TMEM150C: variants seen among roughly 807,000 people sequenced by gnomAD.
TMEM150C encodes the protein transmembrane protein 150C, also known as tentonin 3.
TMEM150C carries 10 observed loss-of-function variants against 29.9 expected under a neutral mutation model. The observed-to-expected ratio is 0.33, with a 90% CI of 0.21 to 0.57. The LOEUF is 0.57. TMEM150C is among the 20% of genes least tolerant of loss of function. The pLI is 0.88. For synonymous variants in TMEM150C, 101 were observed against 112.5 expected (o/e 0.90, Z 0.64); for missense variants, 251 against 303.6 (o/e 0.83, Z 1.29).
intron 1 of TMEM150C, among the ~76,000 whole-genome samples, chr4:82,561,143 C>T (rs754699513): frequency 6.6e-6 from 1 of 152,114 alleles, no homozygotes; most frequent in Admixed American, 6.5e-5. Flanking sequence ...TGGGAAAACC[C>T]TCTCATACTC....
chr4:82,532,113 A>C (rs1333885692), intron 1 of TMEM150C, among the ~76,000 whole-genome samples: 1 of 152,260 alleles, frequency 6.6e-6, no homozygotes, highest in Non-Finnish European at 1.5e-5. Flanking sequence ...ACAGTAAAAC[A>C]GCACATTAGT....
rs1723789513 is a variant in TMEM150C, at chr4:82,503,115, A to G, written c.81-3T>C. The G allele has an allele frequency of 3.1e-6, 5 of 1,589,808 alleles. No individual in the cohort carries two copies. The highest frequency in any genetic ancestry group is 4.3e-6 in the Non-Finnish European group (5 of 1,163,526). The stretch of plus-strand genomic sequence containing the variant: ...CATCTTCCACAGCTATGAAGTATCT[A>G]TCAAAAAAGAATAAGTTTATAGAAC... On this transcript the variant is annotated splice_region_variant and splice_polypyrimidine_tract_variant and intron_variant, in intron 2 of 7. Coordinates refer to ENST00000449862, the MANE Select transcript of TMEM150C (RefSeq NM_001080506.3).
chr4:82,553,371 CA>C (rs1323100003), intron 1 of TMEM150C, among the ~76,000 whole-genome samples: 1 of 152,172 alleles, frequency 6.6e-6, no homozygotes, highest in Non-Finnish European at 1.5e-5. Flanking sequence ...CCTTAAGGTA[CA>C]ACATCAGAGT....
intron 1 of TMEM150C, among the ~76,000 whole-genome samples, chr4:82,544,023 G>A (rs17005775): frequency 0.043 from 6,575 of 152,212 alleles, 465 homozygotes; most frequent in African/African-American, 0.15. Flanking sequence ...TGGCCTTTCT[G>A]AGCTTGTCAG....
chr4:82,486,941 T>C (rs1258157944), intron 7 of TMEM150C, among the ~76,000 whole-genome samples: 1 of 152,166 alleles, frequency 6.6e-6, no homozygotes, highest in African/African-American at 2.4e-5. Context: ...TGCATTTACT[T>C]AGAAAGATCA....
chr4:82,561,548 G>A (rs7662326), intron 1 of TMEM150C, among the ~76,000 whole-genome samples: 30,232 of 150,380 alleles, frequency 0.2, 3,320 homozygotes, highest in East Asian at 0.31. Flanking sequence ...GTCAAAGGAC[G>A]GGGCCGGGGC....
chr4:82,491,595 G>A (rs550337122), intron 6 of TMEM150C: 321 of 630,410 alleles, frequency 5.1e-4, no homozygotes, highest in African/African-American at 2.6e-3. Flanking sequence ...AGCAGGGGCC[G>A]GAGCCACCTT....
At chr4:82,542,317 A>G (rs1725225757) in intron 1 of TMEM150C, among the ~76,000 whole-genome samples, 1 of 152,234 alleles carries the variant, frequency 6.6e-6, no homozygotes, top group Non-Finnish European at 1.5e-5. Context: ...AGAAGACAGG[A>G]CAGGGTTCAG....
chr4:82,486,368 A>C (rs1359409579), intron 7 of TMEM150C, among the ~76,000 whole-genome samples: 1 of 149,766 alleles, frequency 6.7e-6, no homozygotes, highest in Non-Finnish European at 1.5e-5. Flanking sequence ...AAAAAAGAAG[A>C]AAGCACTGCA....
At chr4:82,536,344 G>A (rs1342380160) in intron 1 of TMEM150C, among the ~76,000 whole-genome samples, 3 of 130,506 alleles carry the variant, frequency 2.3e-5, no homozygotes, top group African/African-American at 5.7e-5. Flanking sequence ...GCAACAGAGC[G>A]AGACTCCATC....
intron 1 of TMEM150C, among the ~76,000 whole-genome samples, chr4:82,524,694 G>C (rs1358794376): frequency 6.6e-6 from 1 of 152,196 alleles, no homozygotes; most frequent in South Asian, 2.1e-4. Flanking sequence ...TAACCTGAAG[G>C]CATCTAGAGG....
At position 82,483,492 on chromosome 4, in the gene TMEM150C, C is replaced by T. The variant is rs1723059502; in HGVS notation, c.*2019G>A. On this transcript the variant is annotated 3_prime_UTR_variant, in exon 8 of 8. Transcript: ENST00000449862. ...CTTGTTCTCAGCTTGTTCTTTTCCT[C>T]ACATTTTACTTACAGGGATTCTCAC... 1 of 152,198 alleles carries T rather than the reference C, an allele frequency of 6.6e-6. No homozygotes were observed. Among genetic ancestry groups the T allele is most frequent in the South Asian group, 2.1e-4 (1 of 4,828 alleles). 9.4% of individuals were successfully genotyped at this position (152,198 alleles called of 1,614,324 possible).
chr4:82,486,449 C>T lies in TMEM150C; in HGVS notation c.542-730G>A, dbSNP rs116224014. 8.1e-3 allele frequency among the ~76,000 whole-genome samples: 1,229 copies of T among 151,668 alleles called. 14 individuals are homozygous for T. The highest frequency in any genetic ancestry group is 9.8e-3 in the Non-Finnish European group (669 of 67,956). On this transcript the variant is annotated intron_variant, in intron 7 of 7. Transcript: ENST00000449862. ...TTGAACATATCAAATTACTAACTGC[C>T]GACATGTAAGTTGTGTTTGGCTCTG...
chr4:82,489,893 T>C (rs58876238), intron 7 of TMEM150C, among the ~76,000 whole-genome samples, 168 bp downstream of exon 7: 13,454 of 152,226 alleles, frequency 0.088, 738 homozygotes, highest in African/African-American at 0.14. Flanking sequence ...ATCTCCCCTT[T>C]GGCATGAAAA....
Position 82,504,561 on chromosome 4 carries a change from A to C in TMEM150C, c.80+17T>G. ...TTGCACCTGAATCCTTAAATAATTA[A>C]ATGAGCAAATACTCACACTATCCAC... On this transcript the variant is annotated intron_variant, in intron 2 of 7. Coordinates refer to ENST00000449862, the MANE Select transcript of TMEM150C (RefSeq NM_001080506.3). The C allele has an allele frequency of 6.2e-7, 1 of 1,602,910 alleles. No individual in the cohort carries two copies. Among genetic ancestry groups the C allele is most frequent in the Non-Finnish European group, 8.5e-7 (1 of 1,170,816 alleles).
At chr4:82,491,500 G>A in intron 6 of TMEM150C, 3 of 675,058 alleles carry the variant, frequency 4.4e-6, no homozygotes, top group Admixed American at 2.2e-5. Flanking sequence ...CTTTTGGGCT[G>A]GATGTCCTGT....
Position 82,527,490 on chromosome 4 carries a change from C to T in TMEM150C, c.-10-22823G>A, listed in dbSNP as rs116308233. Among the ~76,000 whole-genome samples the T allele has an allele frequency of 1.2e-3, 180 of 152,208 alleles. 1 individual carries two copies. Among genetic ancestry groups the T allele is most frequent in the African/African-American group, 4.3e-3 (178 of 41,540 alleles). On this transcript the variant is annotated intron_variant, in intron 1 of 7. Transcript: ENST00000449862. ...TGGGTCAGGAGTGTGTTTAGCTCCA[C>T]GACGAAAGGTACCCTCTTTCTGCAG...
At chr4:82,548,950 G>T (rs767353484) in intron 1 of TMEM150C, among the ~76,000 whole-genome samples, 10 of 152,212 alleles carry the variant, frequency 6.6e-5, no homozygotes, top group Non-Finnish European at 1.5e-4. Flanking sequence ...CCAGAGAGGT[G>T]GGCAAGTGCC....
At chr4:82,534,137 G>A (rs1231839228) in intron 1 of TMEM150C, among the ~76,000 whole-genome samples, 2 of 152,160 alleles carry the variant, frequency 1.3e-5, no homozygotes, top group African/African-American at 4.8e-5. Context: ...GTTGTTATGG[G>A]AACAAATTAA....
Sources: gnomAD v4.1 joint callset for allele counts (sites outside exome capture counted in the v4.1 genomes callset) on GRCh38, gnomAD v4.1.1 for gene constraint, MANE v1.5 for transcripts, NCBI Gene and HGNC (gene_info 2026-07-23, HGNC 2026-07-21) for gene names.